The following ABHD12 variants were observed in gnomAD, a reference collection of about 807,000 sequenced individuals.
ABHD12 encodes lysophosphatidylserine lipase ABHD12.
ABHD12 carries 43 observed loss-of-function variants against 58.3 expected under a neutral mutation model. The ratio of observed to expected loss-of-function variants is 0.74; its 90% CI spans 0.58 to 0.95. The LOEUF (loss-of-function observed/expected upper bound fraction) is 0.95, where lower values mean the gene tolerates loss of function less well. Among genes scored for constraint, ABHD12 ranks in the 40% least tolerant of loss-of-function variants. ABHD12 has a pLI of 0.00. For synonymous variants in ABHD12, 219 were observed against 211.2 expected (o/e 1.04, Z -0.32); for missense variants, 539 against 537.2 (o/e 1.00, Z -0.03).
intron 1 of ABHD12, among the ~76,000 whole-genome samples, chr20:25,353,937 T>G (rs1163383846): frequency 6.6e-6 from 1 of 152,064 alleles, no homozygotes; most frequent in African/African-American, 2.4e-5. Context: ...TGTCTCAAGG[T>G]CTCCCCTGCC....
chr20:25,355,987 C>G (rs1456711344), intron 1 of ABHD12, among the ~76,000 whole-genome samples: 1 of 152,196 alleles, frequency 6.6e-6, no homozygotes, highest in Non-Finnish European at 1.5e-5. Flanking sequence ...ATAGGAGGTA[C>G]TGATGGACAG....
At chr20:25,300,929 A>G (rs1233646634) in intron 12 of ABHD12, 45 bp from the exon 13 acceptor site, 29 of 1,596,456 alleles carry the variant, frequency 1.8e-5, no homozygotes, top group Non-Finnish European at 2.5e-5. Flanking sequence ...AGCTCAGACC[A>G]AAGATCCTTC....
chr20:25,309,378 A>G lies in ABHD12; in HGVS notation c.749+68T>C, dbSNP rs1254382716. 5.0e-6 allele frequency: 8 copies of G among 1,609,530 alleles called. No homozygotes were observed. In the East Asian group the frequency reaches 8.9e-5, roughly 18 times the overall value. On this transcript the variant is annotated intron_variant, in intron 7 of 12. Coordinates refer to ENST00000339157, the MANE Select transcript of ABHD12 (RefSeq NM_001042472.3). ...TTTGCAGGGATGGTGGACTCTCTAGATCCAGGCATGGGAGTCACCAGGAAT... is the reference window on the plus strand; with the variant it reads ...TTTGCAGGGATGGTGGACTCTCTAGGTCCAGGCATGGGAGTCACCAGGAAT...
intron 1 of ABHD12, among the ~76,000 whole-genome samples, chr20:25,347,688 G>A (rs1359934326): frequency 6.6e-6 from 1 of 151,794 alleles, no homozygotes; most frequent in African/African-American, 2.4e-5. Flanking sequence ...AAATTAGCTG[G>A]GCACAGTGTG....
intron 2 of ABHD12, among the ~76,000 whole-genome samples, chr20:25,326,080 AAAG>A (rs1249877127): frequency 2.0e-5 from 3 of 150,582 alleles, no homozygotes; most frequent in African/African-American, 7.3e-5. Flanking sequence ...AAAAAAAAAA[AAAG>A]AAAAGAAAAA....
chr20:25,325,023 C>T (rs540013140), intron 2 of ABHD12, among the ~76,000 whole-genome samples: 13 of 151,686 alleles, frequency 8.6e-5, no homozygotes, highest in South Asian at 4.2e-4. Flanking sequence ...CTGGGCAACA[C>T]GGCAAAACCC....
At chr20:25,351,866 A>T (rs915248621) in intron 1 of ABHD12, among the ~76,000 whole-genome samples, 2 of 152,242 alleles carry the variant, frequency 1.3e-5, no homozygotes, top group Non-Finnish European at 2.9e-5. Context: ...GCACCGTTGC[A>T]TCCCAGCCTG....
At chr20:25,339,497 C>T (rs1339103596) in intron 1 of ABHD12, 146 bp from the exon 2 acceptor site, 1 of 1,388,726 alleles carries the variant, frequency 7.2e-7, no homozygotes. Flanking sequence ...AGTAGCCTCC[C>T]ACCTGCCTTC....
intron 1 of ABHD12, among the ~76,000 whole-genome samples, chr20:25,376,532 T>C (rs1431463926): frequency 6.6e-6 from 1 of 152,248 alleles, no homozygotes; most frequent in Non-Finnish European, 1.5e-5. Context: ...CTTATTTTCC[T>C]GGCAGAAACA....
intron 1 of ABHD12, among the ~76,000 whole-genome samples, chr20:25,366,274 T>G (rs532407950): frequency 2.6e-5 from 4 of 152,064 alleles, no homozygotes; most frequent in East Asian, 1.9e-4. Flanking sequence ...TCTAAGTCTT[T>G]TCTTTTCTTT....
At chr20:25,387,589 T>TA (rs779293077) in intron 1 of ABHD12, among the ~76,000 whole-genome samples, 2 of 85,222 alleles carry the variant, frequency 2.3e-5, no homozygotes, top group African/African-American at 9.8e-5. Context: ...TTCATCTCTA[T>TA]TAAAAAAAAA....
chr20:25,295,030 T>A (rs1248509337), exon 13 of ABHD12: 31 of 1,614,182 alleles, frequency 1.9e-5, no homozygotes, highest in Non-Finnish European at 2.6e-5. Flanking sequence ...CCTGCTGAGG[T>A]CTGTGATAAA....
intron 1 of ABHD12, among the ~76,000 whole-genome samples, chr20:25,377,320 A>T (rs1289922345): frequency 1.3e-5 from 2 of 152,212 alleles, no homozygotes; most frequent in African/African-American, 4.8e-5. Flanking sequence ...TTTGCATTAC[A>T]TCCTGTCAAG....
chr20:25,345,043 A>T (rs1324431558), intron 1 of ABHD12, among the ~76,000 whole-genome samples: 1 of 152,198 alleles, frequency 6.6e-6, no homozygotes, highest in Non-Finnish European at 1.5e-5. Context: ...CTCCTAGGAG[A>T]TAACAGAGAA....
chr20:25,308,007 T>C lies in ABHD12; in HGVS notation c.826A>G (p.Thr276Ala), dbSNP rs775417181. 1.9e-5 allele frequency: 31 copies of C among 1,609,658 alleles called. No individual in the cohort carries two copies. Among genetic ancestry groups the C allele is most frequent in the Non-Finnish European group, 1.3e-5 (15 of 1,175,998 alleles). The change falls in exon 9 of 13, where the codon ACT becomes GCT. Residue 276 changes from threonine (T) to alanine (A), a missense_variant. Physicochemically the swap from Thr to Ala is moderately conservative, Grantham distance 58. Transcript: ENST00000339157. ...PDALILESPF[T>A]NIREEAKSHP... The stretch of plus-strand genomic sequence containing the variant: ...CTCTTAGCTTCTTCGCGGATATTAG[T>C]GAATGGAGATTCCAATATAAGGGCA...
intron 4 of ABHD12, among the ~76,000 whole-genome samples, chr20:25,318,352 G>A (rs1888997): frequency 0.6 from 90,590 of 152,072 alleles, 28,079 homozygotes; most frequent in African/African-American, 0.72. Flanking sequence ...GAGTTTCAAG[G>A]CAAGGAGGAA....
chr20:25,331,069 A>C (rs2089266010), intron 2 of ABHD12, among the ~76,000 whole-genome samples: 2 of 152,188 alleles, frequency 1.3e-5, no homozygotes. Flanking sequence ...ACTTGGAAAA[A>C]AATTTAGAAG....
At chr20:25,390,477 G>GGCCCCCCCCCCCCCCCCCCCCCCCCCCC in intron 1 of ABHD12, 36 bp downstream of exon 1, 1 of 98,526 alleles carries the variant, frequency 1.0e-5, no homozygotes, top group Non-Finnish European at 1.3e-5. Flanking sequence ...TGAGGGACCG[G>GGCCCCCCCCCCCCCCCCCCCCCCCCCCC]CCCCCCCCCC....
At chr20:25,339,401 G>A in intron 1 of ABHD12, 50 bp from the exon 2 acceptor site, 1 of 1,613,158 alleles carries the variant, frequency 6.2e-7, no homozygotes, top group East Asian at 2.2e-5. Flanking sequence ...GTGCCATTTT[G>A]CTGTAGTTTG....
Sources: allele counts gnomAD v4.1 joint callset (sites outside exome capture counted in the v4.1 genomes callset), GRCh38; gene constraint gnomAD v4.1.1; transcripts MANE v1.5; gene names NCBI Gene and HGNC (gene_info 2026-07-23, HGNC 2026-07-21).